FBRSL1: variants seen among roughly 807,000 people sequenced by gnomAD.
FBRSL1 encodes the protein fibrosin like 1.
In FBRSL1, 51 loss-of-function variants were observed where a neutral mutation model predicts 89.6. That is an observed-to-expected ratio of 0.57 (90% confidence interval 0.45 to 0.72). FBRSL1 has a LOEUF of 0.72. FBRSL1 is among the 30% of genes least tolerant of loss of function. The pLI, the probability that FBRSL1 is intolerant of heterozygous loss-of-function variation, is 0.00. For synonymous variants in FBRSL1, 779 were observed against 681.1 expected (o/e 1.14, Z -2.24); for missense variants, 1,618 against 1,451.8 (o/e 1.11, Z -1.86).
In FBRSL1 at chr12:132,576,711, C is replaced by A. The variant is rs564881296; in HGVS notation, c.1702-88C>A. On this transcript the variant is annotated intron_variant, in intron 14 of 18. Coordinates refer to ENST00000680143, the MANE Select transcript of FBRSL1 (RefSeq NM_001367871.1). ...GCTCCCCTTACTGGACTGGCTCACA[C>A]CCAGTCCCTGTGGCCCCTCAGGCCT... 207 of 1,442,136 alleles carry A rather than the reference C, an allele frequency of 1.4e-4. 1 individual carries two copies. In the African/African-American group the frequency reaches 2.6e-3, roughly 18 times the overall value. The allele number at this position is 1,442,136 out of a possible 1,614,324, so 89.3% of individuals were successfully genotyped here. A position where few individuals can be genotyped will look rare whatever the true frequency, so the allele number is the denominator to read the frequency against.
chr12:132,576,976 C>T, intron 15 of FBRSL1, 45 bp downstream of exon 15: 1 of 1,528,836 alleles, frequency 6.5e-7, no homozygotes, highest in South Asian at 1.2e-5. Context: ...AAACCTCCCG[C>T]TCGTGCCCAG....
intron 4 of FBRSL1, among the ~76,000 whole-genome samples, chr12:132,541,666 C>G (rs528795807): frequency 6.6e-6 from 1 of 152,250 alleles, no homozygotes; most frequent in Non-Finnish European, 1.5e-5. Context: ...AAGCTCAACT[C>G]GAAATCTCCC....
chr12:132,556,618 C>T (rs1186873194), intron 5 of FBRSL1, among the ~76,000 whole-genome samples: 45 of 71,788 alleles, frequency 6.3e-4, no homozygotes, highest in African/African-American at 1.4e-3. Flanking sequence ...CACCCACCCC[C>T]CTCCTGTGGG....
At chr12:132,517,143 C>T (rs184562291) in intron 2 of FBRSL1, among the ~76,000 whole-genome samples, 1 of 152,352 alleles carries the variant, frequency 6.6e-6, no homozygotes, top group East Asian at 1.9e-4. Context: ...GCCTTAGACA[C>T]TGGGCCTGGG....
At chr12:132,561,386 T>C (rs1593499948) in intron 5 of FBRSL1, among the ~76,000 whole-genome samples, 1 of 152,018 alleles carries the variant, frequency 6.6e-6, no homozygotes, top group East Asian at 1.9e-4. Context: ...TGTTCGAACC[T>C]GGGACGTGGA....
Position 132,570,400 on chromosome 12 carries a change from C to T in FBRSL1, c.1073C>T (p.Pro358Leu), listed in dbSNP as rs771090500. The T allele has an allele frequency of 6.5e-7, 1 of 1,534,786 alleles. No individual in the cohort carries two copies. The highest frequency in any genetic ancestry group is 1.2e-5 in the South Asian group (1 of 83,734). The change falls in exon 8 of 19, where the codon CCC (proline) becomes CTC (leucine). Residue 358 changes from proline (P) to leucine (L), a missense_variant. Pro to Leu is a moderately conservative substitution (Grantham distance 98). Transcript: ENST00000680143. ...TCGCTGTCGCCACACGGGCCGGGCCCCCACCTGTCTACCTCACACCTGGCG... is the reference window on the plus strand; with the variant it reads ...TCGCTGTCGCCACACGGGCCGGGCCTCCACCTGTCTACCTCACACCTGGCG... ...HVSLSPHGPG[P>L]HLSTSHLALR...
At chr12:132,554,244 A>G (rs917835304) in intron 5 of FBRSL1, 1 of 152,222 alleles carries the variant, frequency 6.6e-6, no homozygotes, top group Non-Finnish European at 1.5e-5. Flanking sequence ...GAGCAGCAAC[A>G]AGGGCCCCCC....
intron 4 of FBRSL1, among the ~76,000 whole-genome samples, chr12:132,540,554 C>T (rs915233259): frequency 1.8e-4 from 28 of 151,674 alleles, no homozygotes; most frequent in African/African-American, 6.1e-4. Flanking sequence ...GCACCCAACC[C>T]TGCCAGAATG....
chr12:132,574,999 G>GCC lies in FBRSL1; in HGVS notation c.1701+435_1701+436insCC, dbSNP rs1170166790. Among the ~76,000 whole-genome samples, 527 of 152,152 alleles carry GCC rather than the reference G, an allele frequency of 3.5e-3. 3 individuals carry two copies. Among genetic ancestry groups the GCC allele is most frequent in the African/African-American group, 0.012 (493 of 41,532 alleles). On this transcript the variant is annotated intron_variant, in intron 14 of 18. Transcript: ENST00000680143. ...ATGTGCACCTGGGAAGGCTGAGGAA[G>GCC]GCGGGAGCCCCGCGGGCAGCTCGGT...
intron 2 of FBRSL1, among the ~76,000 whole-genome samples, chr12:132,519,593 G>A (rs2035165632): frequency 6.6e-6 from 1 of 152,218 alleles, no homozygotes; most frequent in Non-Finnish European, 1.5e-5. Flanking sequence ...TCCAGCCTGA[G>A]CTTCGAGCTG....
intron 1 of FBRSL1, among the ~76,000 whole-genome samples, chr12:132,502,098 C>T (rs915104390): frequency 6.6e-6 from 1 of 152,234 alleles, no homozygotes; most frequent in African/African-American, 2.4e-5. Context: ...TGATGCGTCC[C>T]ACTCAGTGTG....
intron 1 of FBRSL1, chr12:132,506,917 C>A (rs2033752792): frequency 6.6e-6 from 1 of 152,358 alleles, no homozygotes; most frequent in Admixed American, 6.5e-5. Context: ...CAGGATCAGC[C>A]CTCGTGGGCA....
intron 4 of FBRSL1, 88 bp downstream of exon 4, chr12:132,528,076 T>G: frequency 8.2e-7 from 1 of 1,222,296 alleles, no homozygotes. Context: ...GCCCCACAAC[T>G]TAGCTCACCC....
intron 15 of FBRSL1, among the ~76,000 whole-genome samples, chr12:132,578,447 G>C (rs899584218): frequency 2.0e-5 from 3 of 152,036 alleles, no homozygotes; most frequent in Non-Finnish European, 4.4e-5. Context: ...TCCTCACACG[G>C]AGTGGGCTGA....
At chr12:132,544,670 A>G (rs984858243) in intron 4 of FBRSL1, among the ~76,000 whole-genome samples, 2 of 151,982 alleles carry the variant, frequency 1.3e-5, no homozygotes, top group Admixed American at 1.3e-4. Context: ...ACTGATGATC[A>G]TGGTGGTGGT....
chr12:132,567,598 G>A, intron 6 of FBRSL1, 72 bp downstream of exon 6: 1 of 1,458,866 alleles, frequency 6.9e-7, no homozygotes, highest in Non-Finnish European at 9.4e-7. Flanking sequence ...TTGGCGGCAG[G>A]ACATCCCCCT....
At chr12:132,569,742 C>T (rs2039878317) in intron 6 of FBRSL1, among the ~76,000 whole-genome samples, 184 bp from the exon 7 acceptor site, 1 of 152,178 alleles carries the variant, frequency 6.6e-6, no homozygotes, top group African/African-American at 2.4e-5. Flanking sequence ...CGGGCGGGGC[C>T]TGGAGCCTCG....
intron 4 of FBRSL1, among the ~76,000 whole-genome samples, chr12:132,542,773 C>T (rs1247552801): frequency 6.6e-6 from 1 of 152,384 alleles, no homozygotes; most frequent in Non-Finnish European, 1.5e-5. Flanking sequence ...GCAACCTCAG[C>T]GCAGGGTCCC....
chr12:132,510,742 C>T, intron 2 of FBRSL1: 1 of 1,200,412 alleles, frequency 8.3e-7, no homozygotes, highest in Non-Finnish European at 1.0e-6. Context: ...ACTGGCGTCA[C>T]AGTGCCCCCA....
Sources: allele counts gnomAD v4.1 joint callset (sites outside exome capture counted in the v4.1 genomes callset), GRCh38; gene constraint gnomAD v4.1.1; transcripts MANE v1.5; gene names NCBI Gene and HGNC (gene_info 2026-07-23, HGNC 2026-07-21).